The following DENND5A variants were observed in gnomAD, a reference collection of about 807,000 sequenced individuals.
DENND5A encodes DENN domain containing 5A.
In DENND5A, 64 loss-of-function variants were observed where a neutral mutation model predicts 140.3. The observed-to-expected ratio is 0.46, with a 90% confidence interval of 0.37 to 0.56. The LOEUF (loss-of-function observed/expected upper bound fraction) is 0.56. Ranked by LOEUF, DENND5A falls within the 20% of genes least tolerant of loss-of-function variation. DENND5A has a pLI of 0.00. For missense variants in DENND5A, 1,292 were observed against 1,593.8 expected, an observed-to-expected ratio of 0.81 and a Z score of 3.22; for synonymous variants, 605 against 607.7, an observed-to-expected ratio of 1.00 and a Z score of 0.07.
At position 9,156,085 on chromosome 11, in the gene DENND5A, C is replaced by T. The variant is rs370672751; in HGVS notation, c.2437-3643G>A. On this transcript the variant is annotated intron_variant, in intron 12 of 22. Transcript: ENST00000328194. ...GGACAGCAGGTAACCAGGGTGTGAC[C>T]GCTGGATTGGAAGATAACTGAAGAA... 5.3e-5 allele frequency among the ~76,000 whole-genome samples: 8 copies of T among 152,210 alleles called. No individual in the cohort carries two copies. The East Asian group carries it at 5.8e-4, about 11-fold the overall frequency.
intron 20 of DENND5A, 77 bp from the exon 21 acceptor site, chr11:9,142,922 C>G (rs1847296601): frequency 7.0e-6 from 11 of 1,577,160 alleles, no homozygotes; most frequent in Non-Finnish European, 7.8e-6. Context: ...CCTAAACCCA[C>G]AGCCCAGAGT....
chr11:9,234,567 A>T (rs1276295609), intron 1 of DENND5A, among the ~76,000 whole-genome samples: 1 of 152,194 alleles, frequency 6.6e-6, no homozygotes, highest in African/African-American at 2.4e-5. Flanking sequence ...CATAAACAAA[A>T]TCTCTGCAGC....
chr11:9,194,623 G>C (rs1002589760), intron 4 of DENND5A, among the ~76,000 whole-genome samples: 7 of 151,634 alleles, frequency 4.6e-5, no homozygotes, highest in African/African-American at 1.7e-4. Context: ...ATTGACTTTA[G>C]CTACTCAAAA....
Position 9,138,972 on chromosome 11 carries a change from T to A in DENND5A, c.*699A>T, listed in dbSNP as rs1847138970. 6.6e-6 allele frequency: 1 copy of A among 152,314 alleles called. No individual in the cohort carries two copies. Among genetic ancestry groups the A allele is most frequent in the African/African-American group, 2.4e-5 (1 of 41,412 alleles). 9.4% of individuals were successfully genotyped at this position (152,314 alleles called of 1,614,324 possible). On this transcript the variant is annotated 3_prime_UTR_variant, in exon 23 of 23. Transcript: ENST00000328194. ...AAAGAAAATACTTAAAAACACACAA[T>A]GGCGGGTTAAATAAATAAAACATTT...
chr11:9,247,508 T>A (rs559875761), intron 1 of DENND5A, among the ~76,000 whole-genome samples: 3 of 151,344 alleles, frequency 2.0e-5, no homozygotes, highest in East Asian at 3.9e-4. Flanking sequence ...AAATAAAAAA[T>A]GTTTTTATCA....
intron 1 of DENND5A, chr11:9,242,710 G>T (rs1851286541): frequency 6.6e-6 from 1 of 152,014 alleles, no homozygotes; most frequent in South Asian, 2.1e-4. Flanking sequence ...TGAATAACAG[G>T]GATGGAATGT....
intron 2 of DENND5A, chr11:9,207,100 C>CA (rs965847652): frequency 2.0e-5 from 8 of 406,252 alleles, no homozygotes; most frequent in African/African-American, 1.1e-4. Context: ...TTGTATCTAT[C>CA]TTTTTTTTTT....
intron 1 of DENND5A, among the ~76,000 whole-genome samples, chr11:9,217,923 T>C (rs1850158262): frequency 6.6e-6 from 1 of 152,194 alleles, no homozygotes; most frequent in Non-Finnish European, 1.5e-5. Flanking sequence ...AAAGATGACA[T>C]TGTATACATA....
chr11:9,187,890 G>A (rs1299710693), intron 5 of DENND5A, among the ~76,000 whole-genome samples: 5 of 152,142 alleles, frequency 3.3e-5, no homozygotes, highest in South Asian at 2.1e-4. Flanking sequence ...GCCCAAAGAC[G>A]GCAGTAACTG....
rs563045456 is a variant in DENND5A, at chr11:9,222,612, A to G, written c.110-14980T>C. On this transcript the variant is annotated intron_variant, in intron 1 of 22. Coordinates refer to ENST00000328194, the MANE Select transcript of DENND5A (RefSeq NM_015213.4). ...CTTCAGGTCTGACATAAGATCAGAG[A>G]ATAGGGATAAATAGAGCCAGACATA... Among the ~76,000 whole-genome samples, 9 of 152,370 alleles carry G rather than the reference A, an allele frequency of 5.9e-5. No homozygotes were observed. In the East Asian group the frequency reaches 1.5e-3, roughly 26 times the overall value.
chr11:9,262,931 C>CG (rs1476974810), intron 1 of DENND5A, among the ~76,000 whole-genome samples: 2 of 151,462 alleles, frequency 1.3e-5, no homozygotes, highest in African/African-American at 4.9e-5. Flanking sequence ...TTAGTAGAGA[C>CG]GGGGTTTCAC....
At chr11:9,235,297 T>C (rs1850953698) in intron 1 of DENND5A, among the ~76,000 whole-genome samples, 1 of 152,044 alleles carries the variant, frequency 6.6e-6, no homozygotes, top group Non-Finnish European at 1.5e-5. Context: ...ATCCCAATAA[T>C]ACAATATTAT....
At chr11:9,261,139 C>T (rs1162280672) in intron 1 of DENND5A, among the ~76,000 whole-genome samples, 5 of 152,216 alleles carry the variant, frequency 3.3e-5, no homozygotes, top group Non-Finnish European at 7.3e-5. Context: ...GTGTGAGCTA[C>T]TGCGCCCAGC....
At chr11:9,154,986 C>A (rs1301220782) in intron 12 of DENND5A, among the ~76,000 whole-genome samples, 1 of 151,926 alleles carries the variant, frequency 6.6e-6, no homozygotes, top group Non-Finnish European at 1.5e-5. Flanking sequence ...CCCATCTCTA[C>A]TAAAATACAA....
At chr11:9,238,324 T>C (rs1323864837) in intron 1 of DENND5A, among the ~76,000 whole-genome samples, 3 of 150,134 alleles carry the variant, frequency 2.0e-5, no homozygotes, top group African/African-American at 7.4e-5. Flanking sequence ...TGGAAAGAAC[T>C]GATCTGGGTG....
At chr11:9,145,983 T>G (rs1026598787) in intron 16 of DENND5A, among the ~76,000 whole-genome samples, 168 bp from the exon 17 acceptor site, 1 of 152,186 alleles carries the variant, frequency 6.6e-6, no homozygotes, top group African/African-American at 2.4e-5. Context: ...CTGGCTAATG[T>G]AGAATATTAG....
intron 1 of DENND5A, among the ~76,000 whole-genome samples, chr11:9,228,110 C>CAA (rs548141276): frequency 0.11 from 7,935 of 72,408 alleles, 691 homozygotes; most frequent in African/African-American, 0.16. Context: ...GACTCCATCT[C>CAA]AAAAAAAAAA....
At chr11:9,211,226 G>C (rs995653099) in intron 1 of DENND5A, among the ~76,000 whole-genome samples, 6 of 152,176 alleles carry the variant, frequency 3.9e-5, no homozygotes, top group Non-Finnish European at 8.8e-5. Flanking sequence ...GCTGGGAAGT[G>C]AAAGAGGGAG....
At position 9,243,087 on chromosome 11, in the gene DENND5A, C is replaced by CAAAAAA. The variant is rs539119487; in HGVS notation, c.109+21868_109+21873dup. On this transcript the variant is annotated intron_variant, in intron 1 of 22. Transcript: ENST00000328194. ...TGGGCGACACAGCGAGACTCTGTCT[C>CAAAAAA]AAAAAAAAAAAAAAAAACAAAAAAA... 1.7e-3 allele frequency among the ~76,000 whole-genome samples: 114 copies of CAAAAAA among 66,862 alleles called. 16 individuals carry two copies. Among genetic ancestry groups the CAAAAAA allele is most frequent in the African/African-American group, 2.0e-3 (32 of 16,224 alleles). The allele number at this position is 66,862 out of a possible 152,430, so 43.9% of individuals were successfully genotyped here.
Sources: allele counts gnomAD v4.1 joint callset (sites outside exome capture counted in the v4.1 genomes callset), GRCh38; gene constraint gnomAD v4.1.1; transcripts MANE v1.5; gene names NCBI Gene and HGNC (gene_info 2026-07-23, HGNC 2026-07-21).